MRC1: variants seen among roughly 807,000 people sequenced by gnomAD.
MRC1 encodes the protein macrophage mannose receptor 1.
Under a neutral mutation model 102.9 loss-of-function variants are expected in MRC1, and 62 were observed. The ratio of observed to expected loss-of-function variants is 0.60; its 90% confidence interval spans 0.49 to 0.74. MRC1 has a LOEUF of 0.74. MRC1 is among the 30% of genes least tolerant of loss of function. MRC1 has a pLI of 0.00. For missense variants in MRC1, 1,237 were observed against 862.8 expected (o/e 1.43, Z -5.43); for synonymous variants, 457 against 298.4 (o/e 1.53, Z -5.48).
intron 20 of MRC1, 21 bp from the exon 21 acceptor site, chr10:17,881,046 T>C (rs1833508108): frequency 2.6e-6 from 2 of 780,368 alleles, no homozygotes; most frequent in African/African-American, 3.4e-5. Flanking sequence ...TCTTTTTTTC[T>C]CTGCCCCTCT....
intron 11 of MRC1, among the ~76,000 whole-genome samples, chr10:17,866,225 C>T (rs1833264602): frequency 6.8e-6 from 1 of 147,806 alleles, no homozygotes; most frequent in African/African-American, 2.5e-5. Context: ...GGAAAAGAAT[C>T]TTAAAAAATT....
intron 22 of MRC1, among the ~76,000 whole-genome samples, chr10:17,887,162 A>T (rs1833609065): frequency 6.6e-6 from 1 of 152,008 alleles, no homozygotes; most frequent in Admixed American, 6.6e-5. Context: ...CTCTAGATAA[A>T]ACATAACTGG....
intron 6 of MRC1, 24 bp from the exon 7 acceptor site, chr10:17,849,555 T>G: frequency 3.5e-6 from 2 of 565,838 alleles, no homozygotes; most frequent in South Asian, 1.8e-5. Flanking sequence ...AAAATTTTTT[T>G]CCGACCCCCC....
In MRC1 at chr10:17,827,602, A is replaced by G. The variant is rs1838500500; in HGVS notation, c.524A>G (p.Glu175Gly). 1 of 780,710 alleles carries G rather than the reference A, an allele frequency of 1.3e-6. No individual in the cohort carries two copies. The highest frequency in any genetic ancestry group is 2.4e-6 in the Non-Finnish European group (1 of 417,972). The allele number at this position is 780,710 out of a possible 1,614,324, so 48.4% of individuals were successfully genotyped here. ...GATCAFPFKF[E>G]NKWYADCTSA... ...ACCTGTGCATTCCCGTTCAAGTTTG[A>G]AAACAAGTGGTACGCAGATTGCACG... The change falls in exon 3 of 30, where the codon GAA (glutamate) becomes GGA (glycine). Residue 175 changes from glutamate (E) to glycine (G), a missense_variant. Physicochemically the swap from Glu to Gly is moderately conservative, Grantham distance 98. Coordinates refer to ENST00000569591, the MANE Select transcript of MRC1 (RefSeq NM_002438.4).
At chr10:17,841,064 G>A (rs692527) in intron 5 of MRC1, among the ~76,000 whole-genome samples, 83,867 of 152,030 alleles carry the variant, frequency 0.55, 23,201 homozygotes, top group South Asian at 0.62. Flanking sequence ...TAAAGTTTCA[G>A]TTCTCAGAGT....
At chr10:17,850,130 T>A (rs1285070622) in intron 7 of MRC1, among the ~76,000 whole-genome samples, 1 of 152,168 alleles carries the variant, frequency 6.6e-6, no homozygotes, top group African/African-American at 2.4e-5. Context: ...TGTATCTTCT[T>A]TTTTTAGGTC....
chr10:17,846,770 T>G (rs1838831875), intron 6 of MRC1, among the ~76,000 whole-genome samples: 1 of 152,250 alleles, frequency 6.6e-6, no homozygotes, highest in African/African-American at 2.4e-5. Context: ...TATGTTTAAT[T>G]TTATGGCTGT....
At chr10:17,817,633 G>A (rs914624715) in intron 1 of MRC1, among the ~76,000 whole-genome samples, 25 of 152,134 alleles carry the variant, frequency 1.6e-4, no homozygotes, top group African/African-American at 5.1e-4. Flanking sequence ...CTGCAATTCT[G>A]GATATAAATT....
intron 1 of MRC1, among the ~76,000 whole-genome samples, chr10:17,815,239 C>T (rs1315789310): frequency 6.6e-6 from 1 of 152,072 alleles, no homozygotes; most frequent in Non-Finnish European, 1.5e-5. Flanking sequence ...TGGCCAAGGT[C>T]ACACAGTCAG....
intron 21 of MRC1, among the ~76,000 whole-genome samples, chr10:17,882,395 G>T (rs957353442): frequency 6.6e-6 from 1 of 151,894 alleles, no homozygotes; most frequent in African/African-American, 2.4e-5. Flanking sequence ...ACAATGGCTG[G>T]TATGTTGGCT....
intron 4 of MRC1, 37 bp downstream of exon 4, chr10:17,833,876 G>A: frequency 1.3e-6 from 1 of 777,946 alleles, no homozygotes; most frequent in Non-Finnish European, 2.4e-6. Context: ...AATCATGACT[G>A]CTTTATTTTT....
intron 4 of MRC1, among the ~76,000 whole-genome samples, chr10:17,837,896 C>T (rs895022822): frequency 9.1e-4 from 139 of 152,120 alleles, no homozygotes; most frequent in African/African-American, 2.7e-3. Context: ...CCACCATGCT[C>T]GGCCAGTCAG....
chr10:17,817,788 T>A (rs1256740640), intron 1 of MRC1, among the ~76,000 whole-genome samples: 1 of 152,138 alleles, frequency 6.6e-6, no homozygotes, highest in African/African-American at 2.4e-5. Flanking sequence ...TGGACAAAAA[T>A]AGAATGTTTA....
At chr10:17,828,221 C>T (rs898513663) in intron 3 of MRC1, among the ~76,000 whole-genome samples, 4 of 152,086 alleles carry the variant, frequency 2.6e-5, no homozygotes, top group Admixed American at 6.5e-5. Flanking sequence ...GGACTACAGG[C>T]GCCCGCCACC....
chr10:17,847,842 T>TGGGGCAGGAGAG (rs1838848628), intron 6 of MRC1, among the ~76,000 whole-genome samples: 1 of 152,226 alleles, frequency 6.6e-6, no homozygotes, highest in East Asian at 1.9e-4. Flanking sequence ...TGATACTATT[T>TGGGGCAGGAGAG]TCAATTTCCT....
chr10:17,845,597 A>G (rs1163250648), intron 6 of MRC1, among the ~76,000 whole-genome samples, 162 bp downstream of exon 6: 1 of 152,200 alleles, frequency 6.6e-6, no homozygotes, highest in Non-Finnish European at 1.5e-5. Context: ...GCTGGTTGCT[A>G]GTATTTCCTG....
At chr10:17,904,445 C>T (rs1471961101) in intron 26 of MRC1, among the ~76,000 whole-genome samples, 4 of 152,136 alleles carry the variant, frequency 2.6e-5, no homozygotes, top group South Asian at 2.1e-4. Context: ...GTCAGCTCAT[C>T]GCTTGCTGGA....
Position 17,870,380 on chromosome 10 carries a change from G to A in MRC1, c.2111+7G>A. 2.6e-6 allele frequency: 2 copies of A among 780,086 alleles called. No individual in the cohort carries two copies. Among genetic ancestry groups the A allele is most frequent in the South Asian group, 2.7e-5 (2 of 74,598 alleles). The allele number at this position is 780,086 out of a possible 1,614,324, so 48.3% of individuals were successfully genotyped here. A position where few individuals can be genotyped will look rare whatever the true frequency, so the allele number is the denominator to read the frequency against. On this transcript the variant is annotated splice_region_variant and intron_variant, in intron 13 of 29. Coordinates refer to ENST00000569591, the MANE Select transcript of MRC1 (RefSeq NM_002438.4). ...CAATATGGCGATTAATAACGTAAGT[G>A]GTATTTTTATGGATTCCTCCTTTTT...
At chr10:17,882,141 T>A (rs1589190561) in intron 21 of MRC1, among the ~76,000 whole-genome samples, 2 of 152,244 alleles carry the variant, frequency 1.3e-5, no homozygotes, top group East Asian at 1.9e-4. Flanking sequence ...GGTTAAATTG[T>A]GACTTGCCCT....
Sources: allele counts gnomAD v4.1 joint callset (sites outside exome capture counted in the v4.1 genomes callset), GRCh38; gene constraint gnomAD v4.1.1; transcripts MANE v1.5; gene names NCBI Gene and HGNC (gene_info 2026-07-23, HGNC 2026-07-21).